The following PTPRD variants were observed in gnomAD, a reference collection of about 807,000 sequenced individuals.
PTPRD encodes the protein receptor-type tyrosine-protein phosphatase delta.
A neutral mutation model predicts 214.5 loss-of-function variants in PTPRD; 34 were observed. That is an observed-to-expected ratio of 0.16 (90% CI 0.12 to 0.21). The LOEUF (loss-of-function observed/expected upper bound fraction) is 0.21. Ranked by LOEUF, PTPRD falls within the 10% of genes least tolerant of loss-of-function variation. The pLI, the probability that PTPRD is intolerant of heterozygous loss-of-function variation, is 1.00. For missense variants in PTPRD, 2,545 were observed against 2,398.7 expected, an observed-to-expected ratio of 1.06 and a Z score of -1.27; for synonymous variants, 1,128 against 845.7, an observed-to-expected ratio of 1.33 and a Z score of -5.79.
At chr9:9,523,239 A>G (rs1422044509) in intron 8 of PTPRD, among the ~76,000 whole-genome samples, 1 of 152,202 alleles carries the variant, frequency 6.6e-6, no homozygotes, top group Non-Finnish European at 1.5e-5. Context: ...GGCAAAGATT[A>G]TATTTAATTA....
intron 12 of PTPRD, among the ~76,000 whole-genome samples, chr9:8,709,229 C>G (rs1005898989): frequency 1.8e-4 from 28 of 152,152 alleles, no homozygotes; most frequent in African/African-American, 6.3e-4. Flanking sequence ...AAAATGCTAA[C>G]AGAGGCCAGG....
intron 2 of PTPRD, among the ~76,000 whole-genome samples, chr9:10,453,833 GT>G (rs1241280941): frequency 6.6e-6 from 1 of 151,382 alleles, no homozygotes; most frequent in Non-Finnish European, 1.5e-5. Context: ...TCAGTACTAT[GT>G]TCAATGAAAC....
chr9:10,072,419 C>T (rs972430074), intron 3 of PTPRD, among the ~76,000 whole-genome samples: 6 of 152,048 alleles, frequency 3.9e-5, no homozygotes, highest in African/African-American at 9.7e-5. Flanking sequence ...CATGGACCTT[C>T]GCAGTGAGCG....
rs530330022 is a variant in PTPRD, at chr9:10,420,529, T to G, written c.-599-79512A>C. On this transcript the variant is annotated intron_variant, in intron 2 of 45. Transcript: ENST00000381196. ...ACTCTCCATTTTGGTTTATTTGTTT[T>G]TATTAGTCCTTTAAGGTACAAACGA... Among the ~76,000 whole-genome samples the G allele has an allele frequency of 2.6e-5, 4 of 151,866 alleles. No homozygotes were observed. In the South Asian group the frequency reaches 6.2e-4, roughly 24 times the overall value.
intron 2 of PTPRD, among the ~76,000 whole-genome samples, chr9:10,410,028 G>T (rs766873612): frequency 6.6e-6 from 1 of 151,504 alleles, no homozygotes; most frequent in African/African-American, 2.4e-5. Context: ...AATATTTATT[G>T]TTGCATCAAG....
At chr9:9,987,048 A>C (rs2095739710) in intron 4 of PTPRD, among the ~76,000 whole-genome samples, 1 of 152,124 alleles carries the variant, frequency 6.6e-6, no homozygotes, top group Non-Finnish European at 1.5e-5. Context: ...AGAGAAGATG[A>C]AAAAAGGGAA....
chr9:9,926,337 G>C (rs574096148), intron 5 of PTPRD, among the ~76,000 whole-genome samples: 1 of 152,204 alleles, frequency 6.6e-6, no homozygotes, highest in South Asian at 2.1e-4. Context: ...TGGATATTAA[G>C]ACAGAAAGGG....
At chr9:10,210,286 T>G (rs2099509400) in intron 3 of PTPRD, among the ~76,000 whole-genome samples, 1 of 152,006 alleles carries the variant, frequency 6.6e-6, no homozygotes, top group Non-Finnish European at 1.5e-5. Context: ...CTTAAAGCCA[T>G]ACAGAGGAGA....
At chr9:8,786,554 A>G (rs1315791093) in intron 11 of PTPRD, among the ~76,000 whole-genome samples, 1 of 151,820 alleles carries the variant, frequency 6.6e-6, no homozygotes, top group East Asian at 1.9e-4. Context: ...AGCTGGGATT[A>G]CAGGCGCCCG....
chr9:8,336,484 G>A (rs4008205), intron 43 of PTPRD, among the ~76,000 whole-genome samples: 102,149 of 142,476 alleles, frequency 0.72, 35,622 homozygotes, highest in East Asian at 0.89. Flanking sequence ...GTAAAATGAT[G>A]AAAACCCCTA....
intron 7 of PTPRD, among the ~76,000 whole-genome samples, chr9:9,665,028 A>G (rs1429828126): frequency 6.6e-6 from 1 of 151,762 alleles, no homozygotes; most frequent in East Asian, 1.9e-4. Context: ...AAATAATGAA[A>G]TCATGTCACT....
At chr9:10,286,705 C>T (rs1233388674) in intron 3 of PTPRD, among the ~76,000 whole-genome samples, 1 of 152,082 alleles carries the variant, frequency 6.6e-6, no homozygotes, top group Non-Finnish European at 1.5e-5. Context: ...TCAAGCAATT[C>T]TCCTTGCTAC....
At chr9:9,719,337 A>T (rs757871106) in intron 7 of PTPRD, among the ~76,000 whole-genome samples, 4 of 152,104 alleles carry the variant, frequency 2.6e-5, no homozygotes, top group African/African-American at 4.8e-5. Flanking sequence ...CTCAAGATCC[A>T]CCAAACAGTG....
chr9:10,285,288 T>C (rs79523550), intron 3 of PTPRD, among the ~76,000 whole-genome samples: 10,119 of 145,454 alleles, frequency 0.07, 426 homozygotes, highest in South Asian at 0.17. Context: ...AAAATAAAAG[T>C]GCAGAAAGAA....
intron 43 of PTPRD, 124 bp from the exon 44 acceptor site, chr9:8,331,860 A>G: frequency 1.7e-6 from 2 of 1,170,422 alleles, no homozygotes; most frequent in Non-Finnish European, 2.3e-6. Flanking sequence ...AAAGTTAGGA[A>G]CATGTTTAAA....
chr9:8,516,305 G>C (rs187558744), intron 21 of PTPRD, among the ~76,000 whole-genome samples: 2 of 152,250 alleles, frequency 1.3e-5, no homozygotes, highest in East Asian at 3.9e-4. Context: ...ATGGCACACA[G>C]AGAAGATATA....
At chr9:9,115,283 T>G (rs929913735) in intron 10 of PTPRD, among the ~76,000 whole-genome samples, 1 of 152,130 alleles carries the variant, frequency 6.6e-6, no homozygotes, top group Non-Finnish European at 1.5e-5. Flanking sequence ...ACTTACGTTT[T>G]GAAAATAATC....
chr9:10,376,361 C>A (rs1283587320), intron 2 of PTPRD, among the ~76,000 whole-genome samples: 3 of 150,600 alleles, frequency 2.0e-5, no homozygotes, highest in Admixed American at 6.7e-5. Context: ...AAAACTAGAG[C>A]AAAGGAAAAA....
intron 7 of PTPRD, among the ~76,000 whole-genome samples, chr9:9,689,603 T>C (rs1205961189): frequency 1.3e-5 from 2 of 151,908 alleles, no homozygotes; most frequent in African/African-American, 4.8e-5. Flanking sequence ...AAGTGTATTT[T>C]TTGTTTTACT....
Sources: gnomAD v4.1 joint callset for allele counts (sites outside exome capture counted in the v4.1 genomes callset) on GRCh38, gnomAD v4.1.1 for gene constraint, MANE v1.5 for transcripts, NCBI Gene and HGNC (gene_info 2026-07-23, HGNC 2026-07-21) for gene names.